Variants in BNC2 observed in about 807,000 individuals in gnomAD.
BNC2 encodes zinc finger protein basonuclin-2.
A neutral mutation model predicts 76.3 loss-of-function variants in BNC2; 20 were observed. That is an observed-to-expected ratio of 0.26 (90% CI 0.18 to 0.38). The LOEUF is 0.38. BNC2 is among the 10% of genes least tolerant of loss of function. The probability of loss-of-function intolerance (pLI) is 1.00; values close to 1 mark genes in which losing one functional copy is unlikely to be tolerated. For synonymous variants in BNC2, 582 were observed against 514.8 expected (o/e 1.13, Z -1.77); for missense variants, 1,382 against 1,399.8 (o/e 0.99, Z 0.20).
chr9:16,793,421 A>G (rs553371696), intron 1 of BNC2, among the ~76,000 whole-genome samples: 1 of 152,282 alleles, frequency 6.6e-6, no homozygotes, highest in South Asian at 2.1e-4. Context: ...CATGGTTAGG[A>G]TATGACTTAA....
intron 6 of BNC2, among the ~76,000 whole-genome samples, chr9:16,427,661 G>A (rs182713949): frequency 6.6e-6 from 1 of 152,318 alleles, no homozygotes; most frequent in Non-Finnish European, 1.5e-5. Context: ...CAAGTTTGGA[G>A]AGTGTTGGGT....
At chr9:16,857,146 G>A (rs766506783) in intron 1 of BNC2, among the ~76,000 whole-genome samples, 4 of 151,992 alleles carry the variant, frequency 2.6e-5, no homozygotes, top group Non-Finnish European at 5.9e-5. Context: ...CAAAATTTAC[G>A]TCTGGTAAAC....
chr9:16,637,585 T>G (rs1462632412), intron 3 of BNC2, among the ~76,000 whole-genome samples: 1 of 152,226 alleles, frequency 6.6e-6, no homozygotes, highest in Non-Finnish European at 1.5e-5. Flanking sequence ...AAGCCATTAC[T>G]AAATTTCTGA....
At chr9:16,615,441 G>C (rs76509026) in intron 3 of BNC2, among the ~76,000 whole-genome samples, 1 of 152,250 alleles carries the variant, frequency 6.6e-6, no homozygotes, top group East Asian at 1.9e-4. Context: ...CAGGCCATAA[G>C]ATCGTCATGT....
chr9:16,557,583 T>G (rs1305777353), intron 4 of BNC2, among the ~76,000 whole-genome samples: 1 of 152,092 alleles, frequency 6.6e-6, no homozygotes, highest in Non-Finnish European at 1.5e-5. Flanking sequence ...GTGAAGCTGT[T>G]CTAGGTGAAG....
At chr9:16,843,973 T>G (rs971539316) in intron 1 of BNC2, among the ~76,000 whole-genome samples, 54 of 152,180 alleles carry the variant, frequency 3.5e-4, no homozygotes, top group Admixed American at 1.3e-4. Flanking sequence ...TTTTTTGTTG[T>G]TGTTGTTGTT....
At chr9:16,629,618 G>A (rs1020839988) in intron 3 of BNC2, among the ~76,000 whole-genome samples, 2 of 152,108 alleles carry the variant, frequency 1.3e-5, no homozygotes, top group Admixed American at 6.6e-5. Context: ...AACATCGGAC[G>A]AACTCAGGTT....
At chr9:16,862,641 C>T (rs1819439104) in intron 1 of BNC2, among the ~76,000 whole-genome samples, 1 of 152,198 alleles carries the variant, frequency 6.6e-6, no homozygotes, top group Non-Finnish European at 1.5e-5. Flanking sequence ...AGAGTAGCTA[C>T]TGCCATGTAT....
At chr9:16,541,840 C>T (rs964834252) in intron 5 of BNC2, among the ~76,000 whole-genome samples, 1 of 152,198 alleles carries the variant, frequency 6.6e-6, no homozygotes, top group Admixed American at 6.5e-5. Flanking sequence ...TGTCACTGAT[C>T]TGTGTTCCAA....
chr9:16,436,640 G>A lies in BNC2; in HGVS notation c.1554C>T (p.Ala518=), dbSNP rs1232903395. The change falls in exon 6 of 7, where the codon GCC becomes GCT. Residue 518 remains alanine (A), a synonymous_variant. Transcript: ENST00000380672. The stretch of plus-strand genomic sequence containing the variant: ...ATTTTGTACTTGCTATGACAGGGGT[G>A]GCAGCTCCTGAGGTGGCCCGAATTA... ...KDLIRATSGA[A]TPVIASTKSN... 6 of 1,613,946 alleles carry A rather than the reference G, an allele frequency of 3.7e-6. No individual in the cohort carries two copies. The highest frequency in any genetic ancestry group is 4.2e-6 in the Non-Finnish European group (5 of 1,180,020).
chr9:16,605,193 A>T (rs1820348786), intron 3 of BNC2, among the ~76,000 whole-genome samples: 1 of 152,262 alleles, frequency 6.6e-6, no homozygotes, highest in Non-Finnish European at 1.5e-5. Flanking sequence ...GAATGAAAAG[A>T]GGAAATTATC....
intron 1 of BNC2, among the ~76,000 whole-genome samples, chr9:16,811,411 G>A (rs551141174): frequency 1.1e-3 from 171 of 151,750 alleles, no homozygotes; most frequent in African/African-American, 4.1e-3. Context: ...AATTGGCCAG[G>A]CATAGTGGCG....
At chr9:16,710,861 TCA>T (rs1179610072) in intron 3 of BNC2, among the ~76,000 whole-genome samples, 4 of 152,164 alleles carry the variant, frequency 2.6e-5, no homozygotes, top group African/African-American at 9.7e-5. Context: ...TATTTGCTCA[TCA>T]CAGGACCCAC....
chr9:16,504,699 C>T (rs1459832319), intron 5 of BNC2, among the ~76,000 whole-genome samples: 2 of 151,986 alleles, frequency 1.3e-5, no homozygotes, highest in Non-Finnish European at 2.9e-5. Flanking sequence ...ACTGTGGAAC[C>T]AGCCAGGCAC....
Position 16,552,602 on chromosome 9 carries a change from T to G in BNC2, c.597A>C (p.Gln199His). The change falls in exon 5 of 7, where the codon CAA (glutamine) becomes CAC (histidine). Residue 199 changes from glutamine (Q) to histidine (H), a missense_variant. Gln to His is a conservative substitution (Grantham distance 24). Coordinates refer to ENST00000380672, the MANE Select transcript of BNC2 (RefSeq NM_017637.6). ...LLDRLFSVLK[Q>H]EEVLHILHGL... ...CGTGCAGTATGTGCAGTACCTCCTC[T>G]TGCTTCAGGACGCTGAAGAGACGGT... 4 of 1,614,226 alleles carry G rather than the reference T, an allele frequency of 2.5e-6. No homozygotes were observed. In the South Asian group the frequency reaches 4.4e-5, roughly 18 times the overall value.
chr9:16,436,523 C>T lies in BNC2; in HGVS notation c.1671G>A (p.Gln557=). 6.2e-7 allele frequency: 1 copy of T among 1,614,092 alleles called. No homozygotes were observed. Among genetic ancestry groups the T allele is most frequent in the Non-Finnish European group, 8.5e-7 (1 of 1,180,020 alleles). ...CAGTCTTTAGCCCAGAAAATACTAG[C>T]TGGCTAGGGAGAGGATTTTGCAAGA... ...DPVLQNPLPS[Q]LVFSGLKTVQ... The change falls in exon 6 of 7, where the codon CAG becomes CAA. Residue 557 remains glutamine (Q), a synonymous_variant. Coordinates refer to ENST00000380672, the MANE Select transcript of BNC2 (RefSeq NM_017637.6).
chr9:16,628,498 T>G (rs1011929492), intron 3 of BNC2, among the ~76,000 whole-genome samples: 5 of 152,138 alleles, frequency 3.3e-5, no homozygotes, highest in African/African-American at 1.2e-4. Flanking sequence ...CTTTTGGGGT[T>G]TGCCTTAGAT....
chr9:16,675,928 G>T (rs922056414), intron 3 of BNC2, among the ~76,000 whole-genome samples: 1 of 152,096 alleles, frequency 6.6e-6, no homozygotes, highest in East Asian at 1.9e-4. Flanking sequence ...AGCTGGGTGT[G>T]GTGGTGCACG....
Position 16,849,397 on chromosome 9 carries a change from C to T in BNC2, c.3+21249G>A, listed in dbSNP as rs1029834691. 1.5e-4 allele frequency among the ~76,000 whole-genome samples: 17 copies of T among 117,228 alleles called. 1 individual carries two copies. The highest frequency in any genetic ancestry group is 9.4e-3 in the Middle Eastern group (1 of 106). 76.9% of individuals were successfully genotyped at this position (117,228 alleles called of 152,430 possible). On this transcript the variant is annotated intron_variant, in intron 1 of 6. Coordinates refer to ENST00000380672, the MANE Select transcript of BNC2 (RefSeq NM_017637.6). Reference sequence around the variant, plus strand: ...TTTTTGAGATGGAGTCTCCCTCTGTCGCCCAGGCTGGAGTACAGTGGCGCA... The same window carrying T: ...TTTTTGAGATGGAGTCTCCCTCTGTTGCCCAGGCTGGAGTACAGTGGCGCA...
Sources: allele counts gnomAD v4.1 joint callset (sites outside exome capture counted in the v4.1 genomes callset), GRCh38; gene constraint gnomAD v4.1.1; transcripts MANE v1.5; gene names NCBI Gene and HGNC (gene_info 2026-07-23, HGNC 2026-07-21).